Variants in FRMD6 observed in about 807,000 individuals in gnomAD.
FRMD6 encodes the protein FERM domain-containing protein 6.
A neutral mutation model predicts 73.2 loss-of-function variants in FRMD6; 37 were observed. The observed-to-expected ratio is 0.51, with a 90% CI of 0.39 to 0.66. FRMD6 has a LOEUF of 0.66. Among genes scored for constraint, FRMD6 ranks in the 30% least tolerant of loss-of-function variants. FRMD6 has a pLI of 0.00. For synonymous variants in FRMD6, 273 were observed against 282.2 expected (o/e 0.97, Z 0.33); for missense variants, 714 against 780.5 (o/e 0.91, Z 1.02).
At chr14:51,524,665 C>T (rs1885137647) in intron 1 of FRMD6, among the ~76,000 whole-genome samples, 1 of 152,158 alleles carries the variant, frequency 6.6e-6, no homozygotes, top group Admixed American at 6.5e-5. Context: ...GACTCTGGTG[C>T]TGCCACATGG....
intron 1 of FRMD6, chr14:51,554,877 G>T (rs1887040039): frequency 6.6e-6 from 1 of 152,198 alleles, no homozygotes. Flanking sequence ...TGTTTCTTTA[G>T]TGCTAATAAG....
chr14:51,399,837 T>G, the FRMD6 span, among the ~76,000 whole-genome samples: 1 of 152,124 alleles, frequency 6.6e-6, no homozygotes, highest in African/African-American at 2.4e-5. Flanking sequence ...TAAGTAGAAA[T>G]AAGAGGTTTT....
chr14:51,566,400 C>G (rs1887778169), intron 1 of FRMD6, among the ~76,000 whole-genome samples: 1 of 152,190 alleles, frequency 6.6e-6, no homozygotes, highest in Admixed American at 6.5e-5. Context: ...CACAGTGCTA[C>G]TTTTCAGGTA....
the FRMD6 span, among the ~76,000 whole-genome samples, chr14:51,423,020 A>G: frequency 6.6e-6 from 1 of 152,298 alleles, no homozygotes; most frequent in Admixed American, 6.5e-5. Context: ...CCACATGAAC[A>G]TGGAAGTCTT....
At chr14:51,647,293 G>A (rs1307975656), upstream of FRMD6, among the ~76,000 whole-genome samples, 2 of 152,048 alleles carry the variant, frequency 1.3e-5, no homozygotes, top group African/African-American at 4.8e-5. Context: ...GTGCTATGCT[G>A]CCTCTGAAAA....
chr14:51,452,704 G>A, the FRMD6 span, among the ~76,000 whole-genome samples: 1 of 152,174 alleles, frequency 6.6e-6, no homozygotes, highest in Admixed American at 6.5e-5. Flanking sequence ...ATGAAACATT[G>A]GAAACTTCCA....
At chr14:51,415,861 T>A in the FRMD6 span, among the ~76,000 whole-genome samples, 1 of 152,256 alleles carries the variant, frequency 6.6e-6, no homozygotes, top group Non-Finnish European at 1.5e-5. Flanking sequence ...GAGATTCAAC[T>A]TCTTCCTGGT....
chr14:51,704,959 A>G, intron 6 of FRMD6, 24 bp downstream of exon 6: 1 of 1,583,312 alleles, frequency 6.3e-7, no homozygotes, highest in South Asian at 1.1e-5. Context: ...TCAAATTCGA[A>G]AGAGTGTTTT....
intron 1 of FRMD6, among the ~76,000 whole-genome samples, chr14:51,549,390 T>C (rs1886654000): frequency 6.6e-6 from 1 of 152,010 alleles, no homozygotes; most frequent in Non-Finnish European, 1.5e-5. Flanking sequence ...GCTAACAAAG[T>C]CTTATTTTGA....
At chr14:51,555,742 C>T (rs370889040) in intron 1 of FRMD6, among the ~76,000 whole-genome samples, 14 of 148,004 alleles carry the variant, frequency 9.5e-5, no homozygotes, top group African/African-American at 3.3e-4. Context: ...GCAGAGATTG[C>T]GGTGAGCAGA....
intron 2 of FRMD6, among the ~76,000 whole-genome samples, chr14:51,638,747 T>G (rs2140017600): frequency 6.6e-6 from 1 of 152,346 alleles, no homozygotes; most frequent in South Asian, 2.1e-4. Flanking sequence ...TTTTTTAGTC[T>G]GATCAATTTA....
intron 2 of FRMD6, among the ~76,000 whole-genome samples, chr14:51,606,929 C>G (rs761632933): frequency 6.6e-6 from 1 of 152,092 alleles, no homozygotes; most frequent in African/African-American, 2.4e-5. Context: ...CAAAGGCTGG[C>G]GAGCCTGGAA....
intron 2 of FRMD6, 125 bp from the exon 3 acceptor site, chr14:51,698,017 T>C: frequency 1.6e-6 from 1 of 621,956 alleles, no homozygotes. Context: ...AAAGCAGCAG[T>C]TGTTTTCTAC....
chr14:51,672,790 A>G (rs948435092), intron 1 of FRMD6, among the ~76,000 whole-genome samples: 10 of 152,164 alleles, frequency 6.6e-5, no homozygotes, highest in Non-Finnish European at 5.9e-5. Flanking sequence ...CGAATTTATT[A>G]ATGTAAAATT....
At chr14:51,451,361 A>G in the FRMD6 span, among the ~76,000 whole-genome samples, 2 of 152,294 alleles carry the variant, frequency 1.3e-5, no homozygotes, top group Admixed American at 6.5e-5. Flanking sequence ...CAATGACTGA[A>G]TTCTCACTCT....
At chr14:51,438,187 C>T in the FRMD6 span, among the ~76,000 whole-genome samples, 1 of 152,106 alleles carries the variant, frequency 6.6e-6, no homozygotes, top group East Asian at 1.9e-4. Context: ...TGATATTTGA[C>T]AGACATCCTT....
At chr14:51,505,733 C>T (rs2140232596) in intron 1 of FRMD6, among the ~76,000 whole-genome samples, 1 of 152,214 alleles carries the variant, frequency 6.6e-6, no homozygotes, top group South Asian at 2.1e-4. Context: ...ATACTCACAC[C>T]TTTTCTCTAA....
At chr14:51,664,632 G>A (rs759483851) in intron 1 of FRMD6, among the ~76,000 whole-genome samples, 9 of 152,184 alleles carry the variant, frequency 5.9e-5, no homozygotes, top group African/African-American at 1.2e-4. Flanking sequence ...AGAAAATGCC[G>A]GAAAGGGCGA....
intron 2 of FRMD6, among the ~76,000 whole-genome samples, chr14:51,609,725 G>A (rs148796671): frequency 1.3e-5 from 2 of 152,278 alleles, no homozygotes; most frequent in East Asian, 3.9e-4. Flanking sequence ...CAGGAGATGC[G>A]GCTCAAGAGC....
Sources: gnomAD v4.1 joint callset for allele counts (sites outside exome capture counted in the v4.1 genomes callset) on GRCh38, gnomAD v4.1.1 for gene constraint, MANE v1.5 for transcripts, NCBI Gene and HGNC (gene_info 2026-07-23, HGNC 2026-07-21) for gene names.